The following CCDC187 variants were observed in gnomAD, a reference collection of about 807,000 sequenced individuals.
CCDC187 encodes the protein coiled-coil domain containing 187.
Under a neutral mutation model 38.0 loss-of-function variants are expected in CCDC187, and 32 were observed. The observed-to-expected ratio is 0.84, with a 90% CI of 0.64 to 1.13. The LOEUF (loss-of-function observed/expected upper bound fraction) is 1.13. Among genes scored for constraint, CCDC187 ranks in the 50% most tolerant of loss-of-function variants. The pLI, the probability that CCDC187 is intolerant of heterozygous loss-of-function variation, is 0.00. For missense variants in CCDC187, 707 were observed against 786.8 expected, an observed-to-expected ratio of 0.90 and a Z score of 1.21; for synonymous variants, 333 against 347.9, an observed-to-expected ratio of 0.96 and a Z score of 0.48.
At chr9:136,300,541 G>A (rs1831653484) in intron 2 of CCDC187, among the ~76,000 whole-genome samples, 1 of 152,156 alleles carries the variant, frequency 6.6e-6, no homozygotes, top group Non-Finnish European at 1.5e-5. Context: ...AGCCTCCCGA[G>A]TAGTTGGGCC....
Position 136,262,851 on chromosome 9 carries a change from C to T in CCDC187, c.3913-389G>A, listed in dbSNP as rs185877091. ...TGCCCTCCCTGCCTTACAGAGGAGACGCGCAGGTGGGGAAGGCACATAGCT... is the reference window on the plus strand; with the variant it reads ...TGCCCTCCCTGCCTTACAGAGGAGATGCGCAGGTGGGGAAGGCACATAGCT... On this transcript the variant is annotated intron_variant, in intron 18 of 25. Coordinates refer to ENST00000638797, the MANE Select transcript of CCDC187 (RefSeq NM_001378188.1). Among the ~76,000 whole-genome samples, 770 of 152,246 alleles carry T rather than the reference C, an allele frequency of 5.1e-3. 16 individuals are homozygous for T. Among genetic ancestry groups the T allele is most frequent in the Non-Finnish European group, 2.9e-3 (194 of 68,004 alleles).
chr9:136,306,302 G>T (rs1490228814), upstream of CCDC187, among the ~76,000 whole-genome samples: 1 of 152,160 alleles, frequency 6.6e-6, no homozygotes, highest in East Asian at 1.9e-4. Context: ...TGGCCTCTCC[G>T]CAGCCACACT....
At chr9:136,293,330 T>TTCACATGCTC (rs1831402620) in intron 4 of CCDC187, among the ~76,000 whole-genome samples, 1 of 82,548 alleles carries the variant, frequency 1.2e-5, no homozygotes, top group African/African-American at 5.0e-5. Context: ...CTCACATGCT[T>TTCACATGCTC]ACACACTCAC....
intron 10 of CCDC187, among the ~76,000 whole-genome samples, chr9:136,280,756 C>G (rs1294472278): frequency 6.6e-6 from 1 of 152,162 alleles, no homozygotes; most frequent in Non-Finnish European, 1.5e-5. Flanking sequence ...GCAGGAACAC[C>G]TGGGGCTCCG....
intron 10 of CCDC187, among the ~76,000 whole-genome samples, chr9:136,280,460 T>G (rs1384908838): frequency 2.6e-5 from 4 of 152,010 alleles, no homozygotes; most frequent in Admixed American, 2.6e-4. Context: ...GGGCTTCAGG[T>G]GTGAGCCCGA....
intron 15 of CCDC187, 53 bp from the exon 16 acceptor site, chr9:136,267,564 G>C: frequency 1.0e-5 from 10 of 985,576 alleles, no homozygotes; most frequent in Non-Finnish European, 1.1e-5. Flanking sequence ...GGTGCTTCCG[G>C]GCCTCGCGGG....
rs920928083 is a variant in CCDC187, at chr9:136,292,963, G to A, written c.833-668C>T. The stretch of plus-strand genomic sequence containing the variant: ...CATGCAGTGAGTGGCGCTCATCCAG[G>A]TGGCACTTCACAGCCCAGCTCACGG... On this transcript the variant is annotated intron_variant, in intron 4 of 25. Coordinates refer to ENST00000638797, the MANE Select transcript of CCDC187 (RefSeq NM_001378188.1). Among the ~76,000 whole-genome samples, 51 of 152,312 alleles carry A rather than the reference G, an allele frequency of 3.3e-4. No individual in the cohort carries two copies. The South Asian group carries it at 0.011, about 32-fold the overall frequency.
chr9:136,288,996 G>A (rs904212775), intron 7 of CCDC187, among the ~76,000 whole-genome samples: 18 of 152,222 alleles, frequency 1.2e-4, no homozygotes, highest in African/African-American at 4.1e-4. Flanking sequence ...ACCCATTCAC[G>A]GCAGCGGCAG....
rs1554759897 is a variant in CCDC187 at position 136,253,836 on chromosome 9, C to T, written c.5992G>A (p.Gly1998Ser). Residue 1998 changes from glycine to serine, a missense_variant, in exon 26 of 26, where the codon GGC becomes AGC. Physicochemically the swap from Gly to Ser is moderately conservative, Grantham distance 56 (BLOSUM62 0). Transcript: ENST00000638797. ...LSPVDELLSY[G>S]SADLPSSIHR... ...ATGGAGGACGGGAGGTCGGCACTGC[C>T]GTAGGACAGCAACTCGTCCACGGGA... 5.1e-6 allele frequency: 5 copies of T among 985,428 alleles called. No individual in the cohort carries two copies. Among genetic ancestry groups the T allele is most frequent in the South Asian group, 9.4e-5 (2 of 21,292 alleles). The allele number at this position is 985,428 out of a possible 1,614,324, so 61.0% of individuals were successfully genotyped here. A position where few individuals can be genotyped will look rare whatever the true frequency, so the allele number is the denominator to read the frequency against.
chr9:136,272,057 G>C (rs1830849339), intron 14 of CCDC187, among the ~76,000 whole-genome samples: 1 of 152,152 alleles, frequency 6.6e-6, no homozygotes, highest in Non-Finnish European at 1.5e-5. Context: ...ACTGCACCTA[G>C]AATTCTATGT....
chr9:136,254,720 G>A lies in CCDC187; in HGVS notation c.5108C>T (p.Thr1703Ile). The change falls in exon 26 of 26, where the codon ACC becomes ATC. Residue 1703 changes from threonine (T) to isoleucine (I), a missense_variant. Transcript: ENST00000638797. ...GSAPGGGGWVTWQRPQGRRAG... is the reference protein window; with the variant it reads ...GSAPGGGGWVIWQRPQGRRAG... The stretch of plus-strand genomic sequence containing the variant: ...CCTGCGGCCCTGGGGCCTCTGCCAG[G>A]TCACCCATCCTCCACCCCCAGGAGC... 2.0e-6 allele frequency: 2 copies of A among 985,550 alleles called. No homozygotes were observed. The highest frequency in any genetic ancestry group is 2.4e-6 in the Non-Finnish European group (2 of 829,990). 61.1% of individuals were successfully genotyped at this position (985,550 alleles called of 1,614,324 possible).
intron 15 of CCDC187, 130 bp downstream of exon 15, chr9:136,267,919 G>C (rs1588654743): frequency 1.0e-6 from 1 of 985,540 alleles, no homozygotes; most frequent in South Asian, 4.7e-5. Flanking sequence ...CGCGATCGCC[G>C]GAAGAACCTC....
At chr9:136,294,581 G>A (rs1426409075) in intron 4 of CCDC187, among the ~76,000 whole-genome samples, 1 of 152,216 alleles carries the variant, frequency 6.6e-6, no homozygotes, top group Non-Finnish European at 1.5e-5. Context: ...GCACCCAGGG[G>A]CAGGCTCCCG....
At chr9:136,283,885 G>T (rs1265067695) in intron 9 of CCDC187, among the ~76,000 whole-genome samples, 1 of 152,214 alleles carries the variant, frequency 6.6e-6, no homozygotes, top group Non-Finnish European at 1.5e-5. Flanking sequence ...ACAGAGGCGA[G>T]GTCTGGCCCG....
chr9:136,298,220 CTGAA>C (rs1831582780), intron 3 of CCDC187, among the ~76,000 whole-genome samples: 2 of 152,188 alleles, frequency 1.3e-5, no homozygotes, highest in African/African-American at 2.4e-5. Context: ...TGTTTGCTGA[CTGAA>C]TGAATGACTG....
intron 3 of CCDC187, among the ~76,000 whole-genome samples, chr9:136,298,958 C>G (rs1277177464): frequency 6.6e-6 from 1 of 152,190 alleles, no homozygotes; most frequent in African/African-American, 2.4e-5. Context: ...GGAGAGTTCT[C>G]AAACTCGGAG....
rs927679280 is a variant in CCDC187 at position 136,291,515 on chromosome 9, C to T, written c.1098G>A (p.Ala366=). 5 of 398,620 alleles carry T rather than the reference C, an allele frequency of 1.3e-5. No homozygotes were observed. The highest frequency in any genetic ancestry group is 1.8e-5 in the Non-Finnish European group (4 of 226,140). 24.7% of individuals were successfully genotyped at this position (398,620 alleles called of 1,614,324 possible). The change falls in exon 6 of 26, where the codon GCG becomes GCA. Residue 366 remains alanine, a synonymous_variant. Coordinates refer to ENST00000638797, the MANE Select transcript of CCDC187 (RefSeq NM_001378188.1). ...TPSLASFDQP[A]TIQTAMAILQ... ...GGATGGCCATGGCCGTCTGTATGGT[C>T]GCTGGCTGGTCGAAGGAAGCCAGGC...
In CCDC187 at chr9:136,286,302, G is replaced by A. The variant is rs1831179268; in HGVS notation, c.2616C>T (p.Ala872=). ...CAAGCGTGGGGGTGGCGAGCGTGGG[G>A]GCGGCAGGTAGGCTGTGGGGGCACG... The part of the protein sequence containing the change: ...LRSCPHSLPA[A]PTLATPTLAT... Residue 872 remains alanine (A), a synonymous_variant, in exon 8 of 26, where the codon GCC becomes GCT. Coordinates refer to ENST00000638797, the MANE Select transcript of CCDC187 (RefSeq NM_001378188.1). The A allele has an allele frequency of 2.5e-6, 1 of 398,618 alleles. No individual in the cohort carries two copies. Among genetic ancestry groups the A allele is most frequent in the Non-Finnish European group, 4.4e-6 (1 of 226,052 alleles). The allele number at this position is 398,618 out of a possible 1,614,324, so 24.7% of individuals were successfully genotyped here. A position where few individuals can be genotyped will look rare whatever the true frequency, so the allele number is the denominator to read the frequency against.
rs907832731 is a variant in CCDC187 at position 136,254,816 on chromosome 9, C to G, written c.5012G>C (p.Arg1671Pro). 3 of 985,506 alleles carry G rather than the reference C, an allele frequency of 3.0e-6. No homozygotes were observed. Among genetic ancestry groups the G allele is most frequent in the Non-Finnish European group, 3.6e-6 (3 of 829,978 alleles). The allele number at this position is 985,506 out of a possible 1,614,324, so 61.0% of individuals were successfully genotyped here. A position where few individuals can be genotyped will look rare whatever the true frequency, so the allele number is the denominator to read the frequency against. The change falls in exon 26 of 26, where the codon CGA becomes CCA. Residue 1671 changes from arginine (R) to proline (P), a missense_variant. By Grantham distance (103) the Arg-to-Pro change is moderately radical. Transcript: ENST00000638797. ...CAGGCCAGCTTCCCCCGAGGAGTGT[C>G]GGGCAGAGAGCTCTCCAGGCCAGCT... Reference protein sequence around the residue: ...GFSWPGELSARHSSGEAGLPL... With the variant: ...GFSWPGELSAPHSSGEAGLPL...
Sources: gnomAD v4.1 joint callset for allele counts (sites outside exome capture counted in the v4.1 genomes callset) on GRCh38, gnomAD v4.1.1 for gene constraint, MANE v1.5 for transcripts, NCBI Gene and HGNC (gene_info 2026-07-23, HGNC 2026-07-21) for gene names.